The following CRYZL1 variants were observed in gnomAD, a reference collection of about 807,000 sequenced individuals.
CRYZL1 encodes the protein crystallin zeta like 1, also known as ferry endosomal RAB5 effector complex subunit 4.
CRYZL1 carries 34 observed loss-of-function variants against 50.6 expected under a neutral mutation model. The observed-to-expected ratio is 0.67, with a 90% CI of 0.51 to 0.89. CRYZL1 has a LOEUF of 0.89. Among genes scored for constraint, CRYZL1 ranks in the 40% least tolerant of loss-of-function variants. The probability of loss-of-function intolerance (pLI) is 0.00; values close to 1 mark genes in which losing one functional copy is unlikely to be tolerated. For synonymous variants in CRYZL1, 125 were observed against 134.3 expected, an observed-to-expected ratio of 0.93 and a Z score of 0.48; for missense variants, 354 against 402.3, an observed-to-expected ratio of 0.88 and a Z score of 1.03.
chr21:33,606,566 C>T (rs942548043), intron 6 of CRYZL1, among the ~76,000 whole-genome samples: 4 of 151,432 alleles, frequency 2.6e-5, no homozygotes, highest in Non-Finnish European at 5.9e-5. Flanking sequence ...ATGGAGGTTG[C>T]GGTGAGCTGA....
chr21:33,595,954 T>C (rs2086689148), intron 10 of CRYZL1, 118 bp from the exon 11 acceptor site: 1 of 699,562 alleles, frequency 1.4e-6, no homozygotes, highest in African/African-American at 1.8e-5. Flanking sequence ...CACAAAAATA[T>C]GCACATAAAC....
At chr21:33,612,942 T>G (rs2086889410) in intron 6 of CRYZL1, among the ~76,000 whole-genome samples, 1 of 151,964 alleles carries the variant, frequency 6.6e-6, no homozygotes, top group Admixed American at 6.6e-5. Flanking sequence ...TCATGCCTCA[T>G]CCTCCTGAGT....
chr21:33,609,531 G>A (rs760517806), intron 6 of CRYZL1, among the ~76,000 whole-genome samples: 7 of 151,566 alleles, frequency 4.6e-5, no homozygotes, highest in Non-Finnish European at 8.8e-5. Flanking sequence ...GGCTAGTCTC[G>A]GACTCCTGAG....
At chr21:33,615,530 C>T (rs1483484376) in intron 5 of CRYZL1, among the ~76,000 whole-genome samples, 1 of 151,884 alleles carries the variant, frequency 6.6e-6, no homozygotes, top group Non-Finnish European at 1.5e-5. Context: ...ATGAAAATTT[C>T]AAGGATTACT....
In CRYZL1 at chr21:33,608,657, G is replaced by A. The variant is rs146054492; in HGVS notation, c.331+4881C>T. ...TTCTGTGCCTGGCTTATTTCACTCA[G>A]CATAGTGCTCTCCATTTCCATCTGT... On this transcript the variant is annotated intron_variant, in intron 6 of 12. Coordinates refer to ENST00000381554, the MANE Select transcript of CRYZL1 (RefSeq NM_145858.3). 1.1e-4 allele frequency among the ~76,000 whole-genome samples: 17 copies of A among 152,212 alleles called. No homozygotes were observed. The East Asian group carries it at 3.3e-3, about 29-fold the overall frequency.
intron 1 of CRYZL1, among the ~76,000 whole-genome samples, chr21:33,634,514 A>G (rs899592486): frequency 1.3e-5 from 2 of 151,996 alleles, no homozygotes; most frequent in African/African-American, 4.8e-5. Flanking sequence ...TCCCGATTTC[A>G]TTACACACTA....
intron 4 of CRYZL1, among the ~76,000 whole-genome samples, chr21:33,617,690 C>G (rs2086949828): frequency 6.6e-6 from 1 of 152,106 alleles, no homozygotes; most frequent in South Asian, 2.1e-4. Context: ...GCTGCATGCA[C>G]TGGTAATCAG....
intron 2 of CRYZL1, among the ~76,000 whole-genome samples, chr21:33,628,987 T>C (rs1196355292): frequency 6.6e-6 from 1 of 151,680 alleles, no homozygotes. Flanking sequence ...TCCAGCACTT[T>C]GGGAGGCTGA....
intron 11 of CRYZL1, chr21:33,594,874 A>C (rs2086679014): frequency 6.5e-6 from 1 of 153,846 alleles, no homozygotes; most frequent in Non-Finnish European, 1.4e-5. Flanking sequence ...GCCTTTATAC[A>C]TATCACACAT....
chr21:33,597,514 C>T (rs1312965590), intron 9 of CRYZL1, 113 bp from the exon 10 acceptor site: 2 of 854,392 alleles, frequency 2.3e-6, no homozygotes, highest in Non-Finnish European at 3.6e-6. Context: ...CAAGGTCTTA[C>T]TATGTTGCCC....
chr21:33,616,676 C>G (rs1300214394), intron 5 of CRYZL1, 30 bp downstream of exon 5: 2 of 1,607,590 alleles, frequency 1.2e-6, no homozygotes, highest in Admixed American at 3.4e-5. Flanking sequence ...AAATAGATGA[C>G]TTGAAATAAG....
chr21:33,634,678 C>T (rs994544586), intron 1 of CRYZL1, among the ~76,000 whole-genome samples: 93 of 151,766 alleles, frequency 6.1e-4, no homozygotes, highest in African/African-American at 2.0e-3. Context: ...GGAACAATTA[C>T]GTATCAATGC....
intron 1 of CRYZL1, among the ~76,000 whole-genome samples, chr21:33,636,968 G>A (rs1339663552): frequency 6.6e-6 from 1 of 152,142 alleles, no homozygotes. Flanking sequence ...CACTGCGCCC[G>A]GCTAATTTTT....
intron 5 of CRYZL1, among the ~76,000 whole-genome samples, chr21:33,615,967 C>T (rs2086925471): frequency 1.3e-5 from 2 of 152,308 alleles, no homozygotes; most frequent in African/African-American, 2.4e-5. Context: ...TTTTAGGGTA[C>T]ATGTGCACAT....
At position 33,591,178 on chromosome 21, in the gene CRYZL1, A is replaced by G. The variant is rs755894820; in HGVS notation, c.934T>C (p.Ser312Pro). 2 of 1,610,330 alleles carry G rather than the reference A, an allele frequency of 1.2e-6. No homozygotes were observed. Among genetic ancestry groups the G allele is most frequent in the Admixed American group, 1.7e-5 (1 of 60,002 alleles). The change falls in exon 12 of 13, where the codon TCA (serine) becomes CCA (proline). Residue 312 changes from serine to proline, a missense_variant. By Grantham distance (74) the Ser-to-Pro change is moderately conservative. Transcript: ENST00000381554. ...CILKDVMEKL[S>P]TGVFRPQLDE... Reference sequence around the variant, plus strand: ...TTAGCGTACCTGAAAACACCAGTTGATAACTTCTCCATCACATCCTTTAAG... The same window carrying G: ...TTAGCGTACCTGAAAACACCAGTTGGTAACTTCTCCATCACATCCTTTAAG...
At chr21:33,591,095 C>T in intron 12 of CRYZL1, 67 bp downstream of exon 12, 2 of 1,157,258 alleles carry the variant, frequency 1.7e-6, no homozygotes, top group South Asian at 1.2e-5. Context: ...AAAAGTGGGA[C>T]TGCCTGCCTT....
intron 4 of CRYZL1, among the ~76,000 whole-genome samples, chr21:33,619,005 C>T (rs1006266163): frequency 6.6e-6 from 1 of 152,142 alleles, no homozygotes; most frequent in Non-Finnish European, 1.5e-5. Flanking sequence ...GATCTCTCAC[C>T]CTTGAGCTTT....
At chr21:33,609,370 G>A (rs147597085) in intron 6 of CRYZL1, among the ~76,000 whole-genome samples, 8 of 152,260 alleles carry the variant, frequency 5.3e-5, no homozygotes, top group Middle Eastern at 3.4e-3. Flanking sequence ...CGCAAATACA[G>A]CTAACAGTAG....
chr21:33,606,371 A>C (rs954285628), intron 6 of CRYZL1, among the ~76,000 whole-genome samples: 1 of 152,226 alleles, frequency 6.6e-6, no homozygotes, highest in Non-Finnish European at 1.5e-5. Flanking sequence ...CACACCTGTA[A>C]TCCCAGCACT....
Sources: gnomAD v4.1 joint callset for allele counts (sites outside exome capture counted in the v4.1 genomes callset) on GRCh38, gnomAD v4.1.1 for gene constraint, MANE v1.5 for transcripts, NCBI Gene and HGNC (gene_info 2026-07-23, HGNC 2026-07-21) for gene names.